Variants in MSRA observed in about 807,000 individuals in gnomAD.
The protein encoded by MSRA is mitochondrial peptide methionine sulfoxide reductase.
Under a neutral mutation model 31.3 loss-of-function variants are expected in MSRA, and 54 were observed. The ratio of observed to expected loss-of-function variants is 1.73; its 90% confidence interval spans 1.39 to 2.17. The LOEUF is 2.17. MSRA is among the 30% of genes most tolerant of loss of function. The pLI is 0.00. For missense variants in MSRA, 507 were observed against 300.9 expected, an observed-to-expected ratio of 1.69 and a Z score of -5.07; for synonymous variants, 169 against 116.5, an observed-to-expected ratio of 1.45 and a Z score of -2.90.
intron 1 of MSRA, among the ~76,000 whole-genome samples, chr8:10,139,220 C>T (rs1802504153): frequency 6.6e-6 from 1 of 152,062 alleles, no homozygotes; most frequent in African/African-American, 2.4e-5. Flanking sequence ...TAAAGTGGGC[C>T]AGATTTGCTA....
chr8:10,374,974 G>A (rs1359192909), intron 5 of MSRA, among the ~76,000 whole-genome samples: 2 of 152,100 alleles, frequency 1.3e-5, no homozygotes, highest in Non-Finnish European at 2.9e-5. Flanking sequence ...CTCACTATGC[G>A]ATATGCCTGC....
At chr8:10,055,447 C>T (rs540904296) in intron 1 of MSRA, among the ~76,000 whole-genome samples, 2 of 152,380 alleles carry the variant, frequency 1.3e-5, no homozygotes, top group African/African-American at 4.8e-5. Flanking sequence ...ACGAGGGCCA[C>T]ACGTTAATAT....
chr8:10,271,951 G>A (rs192549648), intron 3 of MSRA, among the ~76,000 whole-genome samples: 2 of 152,048 alleles, frequency 1.3e-5, no homozygotes, highest in African/African-American at 2.4e-5. Flanking sequence ...AAGGTGACCC[G>A]CACACCTCGA....
At chr8:10,234,098 ATAAAAAGAC>A (rs1811730995) in intron 2 of MSRA, among the ~76,000 whole-genome samples, 1 of 152,186 alleles carries the variant, frequency 6.6e-6, no homozygotes, top group Admixed American at 6.5e-5. Context: ...TATTTCAGAT[ATAAAAAGAC>A]TTAAGAGATT....
At chr8:10,267,922 C>A (rs1467384145) in intron 3 of MSRA, among the ~76,000 whole-genome samples, 1 of 152,154 alleles carries the variant, frequency 6.6e-6, no homozygotes, top group Non-Finnish European at 1.5e-5. Context: ...TCTCTAGGGA[C>A]CTTCCCTAAC....
intron 3 of MSRA, among the ~76,000 whole-genome samples, chr8:10,255,404 C>T (rs1195566791): frequency 2.6e-5 from 4 of 152,196 alleles, no homozygotes; most frequent in African/African-American, 7.2e-5. Flanking sequence ...AGCAAGGTCC[C>T]AGAGCATCCC....
intron 4 of MSRA, among the ~76,000 whole-genome samples, chr8:10,306,141 T>C (rs1203222098): frequency 6.6e-6 from 1 of 152,010 alleles, no homozygotes; most frequent in Non-Finnish European, 1.5e-5. Flanking sequence ...GTGCCTGAGA[T>C]TTAGGAGTTT....
chr8:10,177,149 T>C (rs1398414584), intron 1 of MSRA, among the ~76,000 whole-genome samples: 1 of 152,226 alleles, frequency 6.6e-6, no homozygotes, highest in South Asian at 2.1e-4. Flanking sequence ...GTAGTACTAG[T>C]ATGGTGTTGA....
intron 5 of MSRA, among the ~76,000 whole-genome samples, chr8:10,334,861 C>G (rs182539107): frequency 4.8e-4 from 73 of 152,384 alleles, no homozygotes; most frequent in South Asian, 1.7e-3. Flanking sequence ...ACCCCTCCCC[C>G]GCTCTGGCCG....
chr8:10,291,508 AT>A (rs34153823), intron 3 of MSRA, among the ~76,000 whole-genome samples: 133 of 150,378 alleles, frequency 8.8e-4, no homozygotes, highest in East Asian at 2.9e-3. Context: ...ATGTATTAGG[AT>A]TTTTTTTTTA....
rs369888523 is a variant in MSRA, at chr8:10,332,426, G to C, written c.543+12437G>C. ...ATGGAAAAACCCTGAATAATTCATTGACTTACCTTAGTCAAAAAGAAAAAT... is the reference window on the plus strand; with the variant it reads ...ATGGAAAAACCCTGAATAATTCATTCACTTACCTTAGTCAAAAAGAAAAAT... On this transcript the variant is annotated intron_variant, in intron 5 of 5. Coordinates refer to ENST00000317173, the MANE Select transcript of MSRA (RefSeq NM_012331.5). 2.5e-4 allele frequency among the ~76,000 whole-genome samples: 38 copies of C among 150,900 alleles called. No individual in the cohort carries two copies. The East Asian group carries it at 6.4e-3, about 25-fold the overall frequency.
chr8:10,363,866 A>G (rs1052923459), intron 5 of MSRA, among the ~76,000 whole-genome samples: 11 of 151,966 alleles, frequency 7.2e-5, no homozygotes, highest in African/African-American at 2.4e-4. Flanking sequence ...TGGGAGGTTG[A>G]GGCTGCAGTG....
At chr8:10,255,760 G>C (rs1402608763) in intron 3 of MSRA, among the ~76,000 whole-genome samples, 1 of 151,814 alleles carries the variant, frequency 6.6e-6, no homozygotes, top group Admixed American at 6.6e-5. Context: ...GGCTGGAGTG[G>C]GGCGGTGGGC....
intron 5 of MSRA, among the ~76,000 whole-genome samples, chr8:10,331,237 G>A (rs1802677508): frequency 6.6e-6 from 1 of 152,200 alleles, no homozygotes; most frequent in Admixed American, 6.5e-5. Context: ...GAGCTGACAA[G>A]AGAGCCCTGT....
chr8:10,279,274 A>G (rs1403956888), intron 3 of MSRA, among the ~76,000 whole-genome samples: 3 of 152,202 alleles, frequency 2.0e-5, no homozygotes, highest in Non-Finnish European at 4.4e-5. Flanking sequence ...TAAGGAAATT[A>G]ATTAATACAG....
intron 5 of MSRA, among the ~76,000 whole-genome samples, chr8:10,375,343 C>A (rs924639349): frequency 1.3e-5 from 2 of 152,236 alleles, no homozygotes; most frequent in Non-Finnish European, 2.9e-5. Flanking sequence ...ATAAGGACAG[C>A]TGGTATGGAT....
At chr8:10,210,059 G>T (rs1479212178) in intron 2 of MSRA, among the ~76,000 whole-genome samples, 1 of 152,136 alleles carries the variant, frequency 6.6e-6, no homozygotes. Flanking sequence ...CTGGGCTAGG[G>T]TAGAGTAGGG....
chr8:10,397,257 G>A (rs540664717), intron 5 of MSRA, among the ~76,000 whole-genome samples: 10 of 152,292 alleles, frequency 6.6e-5, no homozygotes, highest in East Asian at 3.9e-4. Flanking sequence ...AAACCAGTGC[G>A]CAAATATTTA....
At chr8:10,305,831 G>A (rs1476045587) in intron 4 of MSRA, among the ~76,000 whole-genome samples, 2 of 152,202 alleles carry the variant, frequency 1.3e-5, no homozygotes, top group East Asian at 1.9e-4. Context: ...TAGACAGTGA[G>A]TCTGAAGAGG....
Sources: allele counts gnomAD v4.1 joint callset (sites outside exome capture counted in the v4.1 genomes callset), GRCh38; gene constraint gnomAD v4.1.1; transcripts MANE v1.5; gene names NCBI Gene and HGNC (gene_info 2026-07-23, HGNC 2026-07-21).